DAAM2: variants seen among roughly 807,000 people sequenced by gnomAD.
The protein encoded by DAAM2 is disheveled-associated activator of morphogenesis 2.
DAAM2 carries 39 observed loss-of-function variants against 120.7 expected under a neutral mutation model. The observed-to-expected ratio is 0.32, with a 90% CI of 0.25 to 0.42. The LOEUF is 0.42. DAAM2 is among the 10% of genes least tolerant of loss of function. The pLI is 1.00. For synonymous variants in DAAM2, 488 were observed against 524.9 expected (o/e 0.93, Z 0.96); for missense variants, 1,283 against 1,401.7 (o/e 0.92, Z 1.35).
In DAAM2 at chr6:39,812,665, T is replaced by C. The variant is rs113791957; in HGVS notation, c.-57+20200T>C. On this transcript the variant is annotated intron_variant, in intron 1 of 24. Coordinates refer to ENST00000274867, the MANE Select transcript of DAAM2 (RefSeq NM_001201427.2). ...CTGACTGTGGAGTCAGCAGGTAGCT[T>C]TTGGAGTGCCTGTAACTCAAACAAT... 1.1e-4 allele frequency among the ~76,000 whole-genome samples: 16 copies of C among 152,062 alleles called. 1 individual carries two copies. The highest frequency in any genetic ancestry group is 3.9e-4 in the African/African-American group (16 of 41,480).
chr6:39,832,725 A>G (rs1762960656), intron 1 of DAAM2, among the ~76,000 whole-genome samples: 1 of 152,056 alleles, frequency 6.6e-6, no homozygotes, highest in South Asian at 2.1e-4. Flanking sequence ...TTTCCTGGTG[A>G]CCAGGGAAGG....
Position 39,878,857 on chromosome 6 carries a change from T to C in DAAM2, c.1545+269T>C, listed in dbSNP as rs1764983814. On this transcript the variant is annotated intron_variant, in intron 13 of 24. Transcript: ENST00000274867. The surrounding 1 kb of genome is among the most constrained non-coding windows in gnomAD (Gnocchi z 5.0). ...CTGGAATTGGATCCACTTCCCTCTC[T>C]CAGCTGGAGATCTTGTGCAGTCAGT... is the stretch of plus-strand genomic sequence containing the variant. Among the ~76,000 whole-genome samples the C allele has an allele frequency of 6.6e-6, 1 of 152,170 alleles. No individual in the cohort carries two copies. The highest frequency in any genetic ancestry group is 2.4e-5 in the African/African-American group (1 of 41,434).
At chr6:39,851,440 C>T (rs774366221) in intron 1 of DAAM2, among the ~76,000 whole-genome samples, 9 of 152,054 alleles carry the variant, frequency 5.9e-5, no homozygotes, top group Non-Finnish European at 1.0e-4. Flanking sequence ...AGAGAGTTGT[C>T]GAGGGAATAA....
intron 21 of DAAM2, among the ~76,000 whole-genome samples, 179 bp from the exon 22 acceptor site, chr6:39,898,698 G>A (rs1766279995): frequency 6.6e-6 from 1 of 152,220 alleles, no homozygotes; most frequent in African/African-American, 2.4e-5. Context: ...TGCACAGACA[G>A]AGGCATGAAG....
chr6:39,883,013 AG>A (rs1442198187), intron 14 of DAAM2, among the ~76,000 whole-genome samples: 2 of 152,102 alleles, frequency 1.3e-5, no homozygotes, highest in African/African-American at 4.8e-5. Context: ...GCATTAAACA[AG>A]GTTCCCCAGC....
At chr6:39,836,519 T>A (rs932910053) in intron 1 of DAAM2, among the ~76,000 whole-genome samples, 3 of 152,108 alleles carry the variant, frequency 2.0e-5, no homozygotes, top group African/African-American at 7.2e-5. Context: ...CCAGGCAAGG[T>A]CATATTGTTA....
intron 2 of DAAM2, among the ~76,000 whole-genome samples, chr6:39,856,700 T>C (rs1031611834): frequency 6.6e-6 from 1 of 152,212 alleles, no homozygotes; most frequent in Non-Finnish European, 1.5e-5. Flanking sequence ...CCTCTCTGCA[T>C]TGGATTGTAG....
chr6:39,836,419 C>G lies in DAAM2; in HGVS notation c.-56-19828C>G, dbSNP rs367753094. Among the ~76,000 whole-genome samples, 40 of 152,296 alleles carry G rather than the reference C, an allele frequency of 2.6e-4. No homozygotes were observed. In the East Asian group the frequency reaches 5.2e-3, roughly 20 times the overall value. On this transcript the variant is annotated intron_variant, in intron 1 of 24. Transcript: ENST00000274867. The stretch of plus-strand genomic sequence containing the variant: ...GCACCACCCTGGGTGCCTTATGTGT[C>G]CTTCAACTCACAAGAAAAACGCGAG...
chr6:39,866,812 A>G (rs932167146), intron 5 of DAAM2, among the ~76,000 whole-genome samples: 10 of 152,210 alleles, frequency 6.6e-5, no homozygotes, highest in African/African-American at 2.4e-4. Flanking sequence ...AATAGCTGTG[A>G]TTTCTTGGGG....
intron 1 of DAAM2, among the ~76,000 whole-genome samples, chr6:39,805,560 T>A (rs926255171): frequency 1.6e-4 from 24 of 148,650 alleles, no homozygotes; most frequent in African/African-American, 5.2e-4. Flanking sequence ...TAAGGTTATT[T>A]TTTTTTTTTT....
chr6:39,800,356 C>T (rs1489929201), intron 1 of DAAM2, among the ~76,000 whole-genome samples: 2 of 152,188 alleles, frequency 1.3e-5, no homozygotes. Context: ...CCTATGACTG[C>T]CCTTCCTGCT....
rs1380512161 is a variant in DAAM2 at position 39,815,458 on chromosome 6, A to G, written c.-57+22993A>G. On this transcript the variant is annotated intron_variant, in intron 1 of 24. Transcript: ENST00000274867. ...CTGCTGCAGACCTCTTATCCCTAAT[A>G]TGAAATAACCATGGTATTCCCCATA... Among the ~76,000 whole-genome samples the G allele has an allele frequency of 2.0e-5, 3 of 152,310 alleles. No individual in the cohort carries two copies. In the East Asian group the frequency reaches 5.8e-4, roughly 29 times the overall value.
rs1283123314 is a variant in DAAM2, at chr6:39,904,795, C to CT, written c.*2763dup. 1 of 454,090 alleles carries CT rather than the reference C, an allele frequency of 2.2e-6. No individual in the cohort carries two copies. The highest frequency in any genetic ancestry group is 2.3e-5 in the Admixed American group (1 of 42,560). 28.1% of individuals were successfully genotyped at this position (454,090 alleles called of 1,614,324 possible). On this transcript the variant is annotated 3_prime_UTR_variant, in exon 25 of 25. Coordinates refer to ENST00000274867, the MANE Select transcript of DAAM2 (RefSeq NM_001201427.2). ...GCTAATGGACATAATCTACAGTGTC[C>CT]TTTTTCACTTGCACCTTTTTTATAA...
intron 14 of DAAM2, chr6:39,881,907 T>C (rs1765136851): frequency 6.6e-6 from 1 of 152,138 alleles, no homozygotes; most frequent in South Asian, 2.1e-4. Context: ...TCATGGAGAC[T>C]CAGTTTCCTT....
At chr6:39,865,835 A>G (rs569225773) in intron 5 of DAAM2, among the ~76,000 whole-genome samples, 1 of 152,340 alleles carries the variant, frequency 6.6e-6, no homozygotes, top group African/African-American at 2.4e-5. Context: ...TTCCCAAATT[A>G]CCTAATTATT....
chr6:39,816,844 C>G (rs1762323753), intron 1 of DAAM2, among the ~76,000 whole-genome samples: 1 of 152,262 alleles, frequency 6.6e-6, no homozygotes. Context: ...AGTACCGTCT[C>G]TAGTCCTGTT....
intron 14 of DAAM2, 135 bp downstream of exon 14, chr6:39,879,612 A>T (rs570532022): frequency 2.3e-5 from 28 of 1,214,548 alleles, no homozygotes; most frequent in Middle Eastern, 3.8e-4. Context: ...AGTCATGTGG[A>T]TGTACAAAGT....
chr6:39,829,257 C>T (rs188894512), intron 1 of DAAM2, among the ~76,000 whole-genome samples: 258 of 152,308 alleles, frequency 1.7e-3, no homozygotes, highest in African/African-American at 5.8e-3. Flanking sequence ...CCTGCACATG[C>T]GCCTATGACT....
intron 1 of DAAM2, chr6:39,820,744 A>G (rs1762462636): frequency 6.6e-6 from 1 of 152,242 alleles, no homozygotes; most frequent in South Asian, 2.1e-4. Context: ...TACCTGTAAG[A>G]CCTTGGCAAT....
Sources: gnomAD v4.1 joint callset for allele counts (sites outside exome capture counted in the v4.1 genomes callset) on GRCh38, gnomAD v4.1.1 for gene constraint, Gnocchi (gnomAD v3.1) non-coding constraint, MANE v1.5 for transcripts, NCBI Gene and HGNC (gene_info 2026-07-23, HGNC 2026-07-21) for gene names.